CTTNBP2: variants seen among roughly 807,000 people sequenced by gnomAD.
CTTNBP2 encodes the protein cortactin-binding protein 2.
A neutral mutation model predicts 156.9 loss-of-function variants in CTTNBP2; 108 were observed. The ratio of observed to expected loss-of-function variants is 0.69; its 90% CI spans 0.59 to 0.81. The LOEUF (loss-of-function observed/expected upper bound fraction) is 0.81. Among genes scored for constraint, CTTNBP2 ranks in the 30% least tolerant of loss-of-function variants. The pLI is 0.00. For missense variants in CTTNBP2, 1,924 were observed against 2,035.4 expected (o/e 0.95, Z 1.05); for synonymous variants, 767 against 751.8 (o/e 1.02, Z -0.33).
chr7:117,869,566 C>T (rs1804437305), intron 1 of CTTNBP2, among the ~76,000 whole-genome samples: 1 of 152,146 alleles, frequency 6.6e-6, no homozygotes, highest in South Asian at 2.1e-4. Flanking sequence ...TTGTAAATGT[C>T]TAAGTACCAA....
intron 3 of CTTNBP2, among the ~76,000 whole-genome samples, chr7:117,797,031 C>T (rs1799360925): frequency 6.6e-6 from 1 of 152,162 alleles, no homozygotes; most frequent in Admixed American, 6.5e-5. Flanking sequence ...GAGCCAATAG[C>T]ATTGGATGAG....
At position 117,717,571 on chromosome 7, in the gene CTTNBP2, T is replaced by TGAATCAACTTATTCA. The variant is rs776565487; in HGVS notation, c.4746+432_4746+446dup. ...ATCCTACTCTGTTCTGCCCTGGATG[T>TGAATCAACTTATTCA]GAATCAACTTATTCATTCTGTCTAC... On this transcript the variant is annotated intron_variant, in intron 22 of 22. Coordinates refer to ENST00000160373, the MANE Select transcript of CTTNBP2 (RefSeq NM_033427.3). Among the ~76,000 whole-genome samples the TGAATCAACTTATTCA allele has an allele frequency of 3.1e-3, 472 of 152,256 alleles. 4 individuals carry two copies. The highest frequency in any genetic ancestry group is 4.2e-3 in the Non-Finnish European group (285 of 68,010).
At chr7:117,804,962 A>C (rs968929201) in intron 3 of CTTNBP2, among the ~76,000 whole-genome samples, 2 of 152,176 alleles carry the variant, frequency 1.3e-5, no homozygotes, top group Non-Finnish European at 2.9e-5. Context: ...ATGTAGAAAA[A>C]TGACCCATTT....
At chr7:117,753,984 AC>A (rs1652125142) in intron 12 of CTTNBP2, among the ~76,000 whole-genome samples, 2 of 152,356 alleles carry the variant, frequency 1.3e-5, no homozygotes, top group Admixed American at 1.3e-4. Context: ...AATTCAACAC[AC>A]ATCAATGTGC....
In CTTNBP2 at chr7:117,873,337, C is replaced by T. The variant is rs1804760930; in HGVS notation, c.79G>A (p.Ala27Thr). ...EDAAGAAAEA[A>T]KKEFDVDTLS... Reference sequence around the variant, plus strand: ...GCCCGCCCCGGGAACTCGGTTACCGCCGCCTCCGCCGCGGCCCCCGCCGCG... The same window carrying T: ...GCCCGCCCCGGGAACTCGGTTACCGTCGCCTCCGCCGCGGCCCCCGCCGCG... Residue 27 changes from alanine to threonine, a missense_variant and splice_region_variant, in exon 1 of 23, where the codon GCG (alanine) becomes ACG (threonine). Coordinates refer to ENST00000160373, the MANE Select transcript of CTTNBP2 (RefSeq NM_033427.3). 1.4e-6 allele frequency: 2 copies of T among 1,445,690 alleles called. No individual in the cohort carries two copies. The highest frequency in any genetic ancestry group is 1.5e-5 in the African/African-American group (1 of 67,662). The allele number at this position is 1,445,690 out of a possible 1,614,324, so 89.6% of individuals were successfully genotyped here.
chr7:117,758,179 C>A, intron 10 of CTTNBP2: 1 of 543,474 alleles, frequency 1.8e-6, no homozygotes, highest in Non-Finnish European at 3.2e-6. Context: ...TTTCAATCTA[C>A]AGACTTCTCC....
intron 2 of CTTNBP2, among the ~76,000 whole-genome samples, chr7:117,828,874 TAGA>T (rs1801446690): frequency 1.3e-5 from 2 of 152,164 alleles, no homozygotes; most frequent in Non-Finnish European, 2.9e-5. Context: ...GAATAAATGC[TAGA>T]AGAATGTAAA....
intron 3 of CTTNBP2, among the ~76,000 whole-genome samples, chr7:117,800,439 C>T (rs762657662): frequency 1.4e-4 from 22 of 151,992 alleles, no homozygotes; most frequent in South Asian, 8.3e-4. Flanking sequence ...CACAGATTAC[C>T]CACATGTATG....
At position 117,856,053 on chromosome 7, in the gene CTTNBP2, T is replaced by C. The variant is rs113862236; in HGVS notation, c.189+5156A>G. Among the ~76,000 whole-genome samples the C allele has an allele frequency of 3.7e-3, 564 of 152,242 alleles. 5 individuals are homozygous for C. Among genetic ancestry groups the C allele is most frequent in the African/African-American group, 0.013 (543 of 41,544 alleles). The stretch of plus-strand genomic sequence containing the variant: ...AGATAATATTGAAATCAAGATAGGG[T>C]CCCTCCCTCTTGGACTTCAGCAGGT... On this transcript the variant is annotated intron_variant, in intron 2 of 22. Transcript: ENST00000160373.
Position 117,767,180 on chromosome 7 carries a change from T to C in CTTNBP2, c.2779-4A>G, listed in dbSNP as rs1293795232. ...TACACAAGATTTCTAGGCAGTTCTA[T>C]AAAGACAAGAGCTCTATTACCTCCA... On this transcript the variant is annotated splice_polypyrimidine_tract_variant and splice_region_variant and intron_variant, in intron 8 of 22. Transcript: ENST00000160373. 3.9e-6 allele frequency: 6 copies of C among 1,525,852 alleles called. No individual in the cohort carries two copies. The highest frequency in any genetic ancestry group is 5.5e-6 in the Non-Finnish European group (6 of 1,099,534). The allele number at this position is 1,525,852 out of a possible 1,614,324, so 94.5% of individuals were successfully genotyped here. A position where few individuals can be genotyped will look rare whatever the true frequency, so the allele number is the denominator to read the frequency against.
intron 21 of CTTNBP2, 42 bp downstream of exon 21, chr7:117,719,462 G>A: frequency 6.4e-7 from 1 of 1,554,442 alleles, no homozygotes; most frequent in Non-Finnish European, 8.7e-7. Flanking sequence ...TCTCCCAGCT[G>A]TTGAGTAGAG....
At chr7:117,866,813 G>A (rs537320553) in intron 1 of CTTNBP2, among the ~76,000 whole-genome samples, 1 of 152,264 alleles carries the variant, frequency 6.6e-6, no homozygotes, top group African/African-American at 2.4e-5. Context: ...CGTTTGTGAG[G>A]TACTTGAGGA....
chr7:117,777,864 C>T (rs1223409303), intron 7 of CTTNBP2, 99 bp from the exon 8 acceptor site: 9 of 1,202,010 alleles, frequency 7.5e-6, no homozygotes, highest in Non-Finnish European at 9.4e-6. Flanking sequence ...GGGCATGGAC[C>T]ACTGAGCTGG....
At position 117,792,904 on chromosome 7, in the gene CTTNBP2, C is replaced by T. The variant is rs1163188725; in HGVS notation, c.415-123G>A. 1.0e-5 allele frequency: 6 copies of T among 602,008 alleles called. No homozygotes were observed. Among genetic ancestry groups the T allele is most frequent in the East Asian group, 3.1e-5 (1 of 32,202 alleles). The allele number at this position is 602,008 out of a possible 1,614,324, so 37.3% of individuals were successfully genotyped here. A position where few individuals can be genotyped will look rare whatever the true frequency, so the allele number is the denominator to read the frequency against. On this transcript the variant is annotated intron_variant, in intron 3 of 22. Transcript: ENST00000160373. This position sits in a 1 kb window ranked among gnomAD's most constrained non-coding sequence, Gnocchi z 4.2. ...TACATAACTCGGGTTAGCAAAAACGCCACATTTTCAAAAAGTGTTGTGATA... is the reference window on the plus strand; with the variant it reads ...TACATAACTCGGGTTAGCAAAAACGTCACATTTTCAAAAAGTGTTGTGATA...
intron 22 of CTTNBP2, among the ~76,000 whole-genome samples, chr7:117,717,719 T>TATTTCTAGTTTTGTCATATA (rs1794508528): frequency 6.7e-6 from 1 of 149,750 alleles, no homozygotes; most frequent in Non-Finnish European, 1.5e-5. Flanking sequence ...AGAACTACAA[T>TATTTCTAGTTTTGTCATATA]ATTTCTAGTT....
In CTTNBP2 at chr7:117,789,162, G is replaced by A. The variant is rs189979274; in HGVS notation, c.2068+1966C>T. Among the ~76,000 whole-genome samples, 23 of 152,128 alleles carry A rather than the reference G, an allele frequency of 1.5e-4. No individual in the cohort carries two copies. The East Asian group carries it at 2.7e-3, about 18-fold the overall frequency. On this transcript the variant is annotated intron_variant, in intron 4 of 22. Transcript: ENST00000160373. Reference sequence around the variant, plus strand: ...TTTAAAAGTTAACAGATTTTAATCCGTTAACTTTTCAATCCTGTTGACAAA... The same window carrying A: ...TTTAAAAGTTAACAGATTTTAATCCATTAACTTTTCAATCCTGTTGACAAA...
rs1348242686 is a variant in CTTNBP2 at position 117,710,894 on chromosome 7, G to C, written c.*643C>G. The C allele has an allele frequency of 6.6e-6, 1 of 152,508 alleles. No homozygotes were observed. Among genetic ancestry groups the C allele is most frequent in the African/African-American group, 2.4e-5 (1 of 41,418 alleles). 9.4% of individuals were successfully genotyped at this position (152,508 alleles called of 1,614,324 possible). A position where few individuals can be genotyped will look rare whatever the true frequency, so the allele number is the denominator to read the frequency against. Reference sequence around the variant, plus strand: ...TGCATTATAATTTCATATTTTACAGGAGTCATAATGCAAACTTATAAGCAT... The same window carrying C: ...TGCATTATAATTTCATATTTTACAGCAGTCATAATGCAAACTTATAAGCAT... On this transcript the variant is annotated 3_prime_UTR_variant, in exon 23 of 23. Transcript: ENST00000160373.
chr7:117,801,028 G>A (rs188503892), intron 3 of CTTNBP2, among the ~76,000 whole-genome samples: 18 of 152,194 alleles, frequency 1.2e-4, no homozygotes, highest in African/African-American at 4.1e-4. Context: ...TGGCCAAATC[G>A]GGGACAGATA....
intron 2 of CTTNBP2, among the ~76,000 whole-genome samples, chr7:117,860,800 AG>A (rs1373504181): frequency 1.4e-4 from 21 of 152,248 alleles, no homozygotes; most frequent in Non-Finnish European, 3.1e-4. Context: ...CAATTTTTAT[AG>A]GAAGAAAAAT....
Sources: allele counts gnomAD v4.1 joint callset (sites outside exome capture counted in the v4.1 genomes callset), GRCh38; gene constraint gnomAD v4.1.1; non-coding constraint Gnocchi (gnomAD v3.1); transcripts MANE v1.5; gene names NCBI Gene and HGNC (gene_info 2026-07-23, HGNC 2026-07-21).